VAV3: variants seen among roughly 807,000 people sequenced by gnomAD.
VAV3 encodes vav guanine nucleotide exchange factor 3, also known as guanine nucleotide exchange factor VAV3.
A neutral mutation model predicts 131.2 loss-of-function variants in VAV3; 94 were observed. That is an observed-to-expected ratio of 0.72 (90% CI 0.61 to 0.85). VAV3 has a LOEUF of 0.85. Ranked by LOEUF, VAV3 falls within the 40% of genes least tolerant of loss-of-function variation. The pLI is 0.00. For missense variants in VAV3, 939 were observed against 1,002.7 expected (o/e 0.94, Z 0.86); for synonymous variants, 349 against 342.0 (o/e 1.02, Z -0.22).
chr1:107,857,278 T>C (rs1669520337), intron 2 of VAV3, among the ~76,000 whole-genome samples: 1 of 152,198 alleles, frequency 6.6e-6, no homozygotes, highest in Non-Finnish European at 1.5e-5. Context: ...CCATGCTGGA[T>C]GCTTCCTGCC....
chr1:107,573,997 C>T, intron 26 of VAV3, 50 bp downstream of exon 26: 2 of 1,600,096 alleles, frequency 1.2e-6, no homozygotes, highest in Middle Eastern at 1.7e-4. Flanking sequence ...CAAACAACTG[C>T]TCAGTCCCCT....
In VAV3 at chr1:107,640,861, G is replaced by C. The variant is rs1323162644; in HGVS notation, c.1914+1758C>G. Among the ~76,000 whole-genome samples the C allele has an allele frequency of 2.0e-5, 3 of 151,978 alleles. No individual in the cohort carries two copies. In the East Asian group the frequency reaches 5.8e-4, roughly 29 times the overall value. Reference sequence around the variant, plus strand: ...AAGGCTGAGTTATGTGTTTAATATGGGAGGAGACTGAGCATATTTATATAC... The same window carrying C: ...AAGGCTGAGTTATGTGTTTAATATGCGAGGAGACTGAGCATATTTATATAC... On this transcript the variant is annotated intron_variant, in intron 20 of 26. Coordinates refer to ENST00000370056, the MANE Select transcript of VAV3 (RefSeq NM_006113.5).
intron 1 of VAV3, among the ~76,000 whole-genome samples, chr1:107,875,949 T>C (rs1253358907): frequency 6.6e-6 from 1 of 151,662 alleles, no homozygotes; most frequent in African/African-American, 2.4e-5. Context: ...AATATGGGAG[T>C]CTTTAGTGTA....
intron 25 of VAV3, among the ~76,000 whole-genome samples, chr1:107,579,887 T>C (rs1422043190): frequency 2.0e-5 from 3 of 152,132 alleles, no homozygotes; most frequent in African/African-American, 7.2e-5. Flanking sequence ...CAACTCCAAA[T>C]ATCTGCTCAT....
At chr1:107,821,232 T>C (rs184549492) in intron 2 of VAV3, among the ~76,000 whole-genome samples, 56 of 152,358 alleles carry the variant, frequency 3.7e-4, no homozygotes, top group African/African-American at 1.3e-3. Flanking sequence ...TTATAGCATG[T>C]GTATTCACTG....
At chr1:107,869,812 CCT>C (rs1359666900) in intron 2 of VAV3, among the ~76,000 whole-genome samples, 4 of 152,150 alleles carry the variant, frequency 2.6e-5, no homozygotes, top group African/African-American at 7.2e-5. Flanking sequence ...CACACTTTCC[CCT>C]GAGTCCCAAG....
At chr1:107,934,371 A>C (rs1285101167) in intron 1 of VAV3, among the ~76,000 whole-genome samples, 1 of 152,224 alleles carries the variant, frequency 6.6e-6, no homozygotes, top group Non-Finnish European at 1.5e-5. Context: ...AAACCCTTAG[A>C]ACAGAGCAGA....
chr1:107,930,528 G>T (rs1003973708), intron 1 of VAV3, among the ~76,000 whole-genome samples: 5 of 152,036 alleles, frequency 3.3e-5, no homozygotes, highest in African/African-American at 1.2e-4. Context: ...AACTACTTCT[G>T]CCCTTCCCAT....
At chr1:107,651,605 T>C (rs1176014422) in intron 19 of VAV3, among the ~76,000 whole-genome samples, 1 of 151,994 alleles carries the variant, frequency 6.6e-6, no homozygotes, top group Non-Finnish European at 1.5e-5. Flanking sequence ...CAAATATGCA[T>C]GTGCACACAC....
chr1:107,682,528 G>A (rs1018782988), intron 19 of VAV3, among the ~76,000 whole-genome samples: 1 of 151,854 alleles, frequency 6.6e-6, no homozygotes, highest in Non-Finnish European at 1.5e-5. Flanking sequence ...TTGTTCTGTA[G>A]TTAAAAGATT....
chr1:107,740,949 G>A (rs545315280), intron 15 of VAV3, among the ~76,000 whole-genome samples: 7 of 152,280 alleles, frequency 4.6e-5, no homozygotes, highest in African/African-American at 1.7e-4. Context: ...TCTAAGAGAC[G>A]AAATTTGTTG....
chr1:107,853,771 T>C (rs1242971560), intron 2 of VAV3, among the ~76,000 whole-genome samples: 2 of 152,196 alleles, frequency 1.3e-5, no homozygotes, highest in Non-Finnish European at 2.9e-5. Flanking sequence ...CACAATCCTA[T>C]ATTAGGGCTA....
intron 20 of VAV3, among the ~76,000 whole-genome samples, chr1:107,629,371 C>G (rs181409224): frequency 2.0e-5 from 3 of 152,220 alleles, no homozygotes; most frequent in African/African-American, 7.2e-5. Flanking sequence ...ACAATTTCTT[C>G]CAGCATGAAG....
intron 17 of VAV3, among the ~76,000 whole-genome samples, chr1:107,697,132 G>A (rs960690485): frequency 6.6e-6 from 1 of 152,134 alleles, no homozygotes; most frequent in African/African-American, 2.4e-5. Context: ...AAGGAATGAG[G>A]GTGAGGAGAA....
rs1672282020 is a variant in VAV3 at position 107,909,780 on chromosome 1, T to C, written c.205-34763A>G. ...GCAGGTATCCAGACTCTGCCATGTA[T>C]AGATGTTCTTTAATTGTGTTATCTT... On this transcript the variant is annotated intron_variant, in intron 1 of 26. Coordinates refer to ENST00000370056, the MANE Select transcript of VAV3 (RefSeq NM_006113.5). Among the ~76,000 whole-genome samples the C allele has an allele frequency of 3.9e-5, 6 of 152,340 alleles. No homozygotes were observed. The South Asian group carries it at 1.2e-3, about 32-fold the overall frequency.
At chr1:107,950,127 AAAC>A (rs961288250) in intron 1 of VAV3, among the ~76,000 whole-genome samples, 11 of 67,766 alleles carry the variant, frequency 1.6e-4, no homozygotes, top group African/African-American at 3.3e-4. Context: ...GGAAACCACA[AAAC>A]AAAAAAAAAG....
At chr1:107,893,732 T>G (rs1020030870) in intron 1 of VAV3, among the ~76,000 whole-genome samples, 6 of 152,142 alleles carry the variant, frequency 3.9e-5, no homozygotes, top group Admixed American at 2.0e-4. Flanking sequence ...CAAGATGAGA[T>G]TTGGGTGGGG....
chr1:107,780,930 G>A (rs17555966), intron 2 of VAV3, among the ~76,000 whole-genome samples: 46,507 of 152,024 alleles, frequency 0.31, 7,722 homozygotes, highest in Non-Finnish European at 0.37. Context: ...TAAAAAGCGA[G>A]AAAAGGCAAA....
At chr1:107,587,927 T>C (rs1454618071) in intron 25 of VAV3, among the ~76,000 whole-genome samples, 1 of 152,156 alleles carries the variant, frequency 6.6e-6, no homozygotes, top group African/African-American at 2.4e-5. Flanking sequence ...TGAGGTTATA[T>C]GAGACACTAT....
Sources: allele counts gnomAD v4.1 joint callset (sites outside exome capture counted in the v4.1 genomes callset), GRCh38; gene constraint gnomAD v4.1.1; transcripts MANE v1.5; gene names NCBI Gene and HGNC (gene_info 2026-07-23, HGNC 2026-07-21).